SEC16B: variants seen among roughly 807,000 people sequenced by gnomAD.
SEC16B encodes SEC16 homolog B, endoplasmic reticulum export factor, also known as protein transport protein Sec16B.
In SEC16B, 115 loss-of-function variants were observed where a neutral mutation model predicts 141.8. The observed-to-expected ratio is 0.81, with a 90% CI of 0.70 to 0.95. The LOEUF (loss-of-function observed/expected upper bound fraction) is 0.95, where lower values mean the gene tolerates loss of function less well. Among genes scored for constraint, SEC16B ranks in the 40% least tolerant of loss-of-function variants. The pLI, the probability that SEC16B is intolerant of heterozygous loss-of-function variation, is 0.00. For missense variants in SEC16B, 1,291 were observed against 1,312.3 expected (o/e 0.98, Z 0.25); for synonymous variants, 493 against 492.5 (o/e 1.00, Z -0.01).
chr1:177,944,222 G>A (rs1477921236), intron 15 of SEC16B, among the ~76,000 whole-genome samples: 1 of 152,204 alleles, frequency 6.6e-6, no homozygotes. Flanking sequence ...AGCTGCGGAG[G>A]CTCAGAAGAA....
intron 24 of SEC16B, among the ~76,000 whole-genome samples, chr1:177,930,957 C>G (rs552617621): frequency 1.3e-5 from 2 of 152,224 alleles, no homozygotes; most frequent in East Asian, 3.9e-4. Context: ...CAAAAGGGGA[C>G]ACTTATACAC....
rs900114019 is a variant in SEC16B, at chr1:177,960,737, G to T, written c.936+54C>A. ...CAGGAAAGCAAGGTAAGCATGTTAG[G>T]AGTAGTTGGGTAAGCAGTGTGCCAG... On this transcript the variant is annotated intron_variant, in intron 7 of 25. Coordinates refer to ENST00000308284, the MANE Select transcript of SEC16B (RefSeq NM_033127.4). 5 of 1,528,562 alleles carry T rather than the reference G, an allele frequency of 3.3e-6. No homozygotes were observed. In the African/African-American group the frequency reaches 5.5e-5, roughly 17 times the overall value. 94.7% of individuals were successfully genotyped at this position (1,528,562 alleles called of 1,614,324 possible).
chr1:177,969,330 G>A (rs937593873), intron 1 of SEC16B, among the ~76,000 whole-genome samples: 3 of 152,118 alleles, frequency 2.0e-5, no homozygotes, highest in South Asian at 2.1e-4. Context: ...AACAAGGTGC[G>A]GAGGGGGCCT....
At position 177,937,353 on chromosome 1, in the gene SEC16B, A is replaced by G. The variant is rs1557968910; in HGVS notation, c.2364T>C (p.Gly788=). The change falls in exon 19 of 26, where the codon GGT becomes GGC. Residue 788 remains glycine (G), a synonymous_variant. Transcript: ENST00000308284. ...GCCTCGGTGTCCCTGTCTGCCCTGC[A>G]CCCCCTCCTGCTGGGTAGGAGCCCG... ...LQPGSYPAGG[G]AGQTGTPRPF... The G allele has an allele frequency of 6.2e-7, 1 of 1,613,022 alleles. No individual in the cohort carries two copies. The highest frequency in any genetic ancestry group is 1.1e-5 in the South Asian group (1 of 90,864).
intron 1 of SEC16B, 40 bp from the exon 2 acceptor site, chr1:177,968,079 C>T (rs1367438893): frequency 8.1e-7 from 1 of 1,229,176 alleles, no homozygotes; most frequent in Non-Finnish European, 1.1e-6. Flanking sequence ...TCACTTGAAG[C>T]CTATATCCAA....
At chr1:177,979,253 A>C (rs1654303620) in intron 1 of SEC16B, among the ~76,000 whole-genome samples, 1 of 152,232 alleles carries the variant, frequency 6.6e-6, no homozygotes, top group South Asian at 2.1e-4. Context: ...GGTTCATTCA[A>C]CCTGATGATA....
At position 177,937,286 on chromosome 1, in the gene SEC16B, T is replaced by A; in HGVS notation, c.2431A>T (p.Ser811Cys). 1 of 1,613,920 alleles carries A rather than the reference T, an allele frequency of 6.2e-7. No individual in the cohort carries two copies. Among genetic ancestry groups the A allele is most frequent in the Middle Eastern group, 1.7e-4 (1 of 6,050 alleles). ...GTGGCCTCTGTCACTGCCACGCTGC[T>A]GCCAGTCCCTGGTAGATGGGTCTCA... ...VPETHLPGTG[S>C]SVAVTEATGG... is the part of the protein sequence containing the mutation. Residue 811 changes from serine (S) to cysteine (C), a missense_variant, in exon 19 of 26, where the codon AGC becomes TGC. Coordinates refer to ENST00000308284, the MANE Select transcript of SEC16B (RefSeq NM_033127.4).
Position 177,957,440 on chromosome 1 carries a change from C to G in SEC16B, c.1365+692G>C, listed in dbSNP as rs60590388. 1.1e-3 allele frequency among the ~76,000 whole-genome samples: 170 copies of G among 151,930 alleles called. 2 individuals are homozygous for G. The East Asian group carries it at 0.031, about 27-fold the overall frequency. The stretch of plus-strand genomic sequence containing the variant: ...ACAACTGTATATGCAATTTTATTTT[C>G]TTTTTAATATATATGCATGGGAAAA... On this transcript the variant is annotated intron_variant, in intron 10 of 25. Coordinates refer to ENST00000308284, the MANE Select transcript of SEC16B (RefSeq NM_033127.4).
intron 10 of SEC16B, among the ~76,000 whole-genome samples, chr1:177,957,775 C>T (rs1161155798): frequency 2.0e-5 from 3 of 150,828 alleles, no homozygotes; most frequent in African/African-American, 7.3e-5. Context: ...CTTTTTTTTG[C>T]ACCCATTAAC....
intron 14 of SEC16B, 102 bp from the exon 15 acceptor site, chr1:177,944,768 G>A (rs1651551988): frequency 1.1e-6 from 1 of 940,726 alleles, no homozygotes; most frequent in Non-Finnish European, 1.7e-6. Context: ...TCATGGGGGA[G>A]TTTCCATCCT....
intron 10 of SEC16B, among the ~76,000 whole-genome samples, chr1:177,954,640 G>A (rs964380521): frequency 1.7e-4 from 26 of 152,162 alleles, no homozygotes; most frequent in Admixed American, 6.5e-5. Context: ...TTGCCAGTTA[G>A]CCTCATCTCT....
chr1:177,977,986 G>T (rs1489582872), intron 1 of SEC16B, among the ~76,000 whole-genome samples: 1 of 152,118 alleles, frequency 6.6e-6, no homozygotes, highest in East Asian at 1.9e-4. Flanking sequence ...TTACAGGAGT[G>T]GGTTTTCAAT....
At chr1:177,962,694 T>C (rs116116624) in intron 5 of SEC16B, among the ~76,000 whole-genome samples, 3 of 151,744 alleles carry the variant, frequency 2.0e-5, no homozygotes, top group Non-Finnish European at 4.4e-5. Context: ...TGCAGTGAGC[T>C]ATGATCATGC....
Position 177,930,650 on chromosome 1 carries a change from T to C in SEC16B, c.3013-7A>G. On this transcript the variant is annotated splice_polypyrimidine_tract_variant and splice_region_variant and intron_variant, in intron 24 of 25. Coordinates refer to ENST00000308284, the MANE Select transcript of SEC16B (RefSeq NM_033127.4). Reference sequence around the variant, plus strand: ...AGAGCTCAAAGGAAACACTCTGTGATGGAAAAGCATGGAAAATCCCATCAG... The same window carrying C: ...AGAGCTCAAAGGAAACACTCTGTGACGGAAAAGCATGGAAAATCCCATCAG... 1 of 1,603,796 alleles carries C rather than the reference T, an allele frequency of 6.2e-7. No homozygotes were observed. The highest frequency in any genetic ancestry group is 1.3e-5 in the African/African-American group (1 of 74,832).
At chr1:177,957,784 ACCCACCCACCCT>A (rs1238309935) in intron 10 of SEC16B, among the ~76,000 whole-genome samples, 1 of 137,134 alleles carries the variant, frequency 7.3e-6, no homozygotes, top group African/African-American at 2.7e-5. Context: ...GCACCCATTA[ACCCACCCACCCT>A]CCCTCCCACC....
At position 177,940,607 on chromosome 1, in the gene SEC16B, C is replaced by T; in HGVS notation, c.2127+3G>A. 3 of 1,611,378 alleles carry T rather than the reference C, an allele frequency of 1.9e-6. No individual in the cohort carries two copies. Among genetic ancestry groups the T allele is most frequent in the South Asian group, 1.1e-5 (1 of 90,970 alleles). ...CCAACGCCCTGGCTCCAATCCCACT[C>T]ACCTCCAGCTGCCTCCGAAGTTGCG... On this transcript the variant is annotated splice_donor_region_variant and intron_variant, in intron 17 of 25. Coordinates refer to ENST00000308284, the MANE Select transcript of SEC16B (RefSeq NM_033127.4).
At chr1:177,979,517 T>C (rs1018774686) in intron 1 of SEC16B, among the ~76,000 whole-genome samples, 4 of 152,244 alleles carry the variant, frequency 2.6e-5, no homozygotes, top group Admixed American at 6.5e-5. Flanking sequence ...AGTGCTGTTC[T>C]AATGCTAAAT....
intron 16 of SEC16B, 126 bp from the exon 17 acceptor site, chr1:177,940,840 C>T (rs1651221390): frequency 3.5e-6 from 2 of 566,400 alleles, no homozygotes; most frequent in Non-Finnish European, 6.1e-6. Flanking sequence ...CCTTAACTAA[C>T]TTGTAAATTA....
chr1:177,934,135 CTT>C lies in SEC16B; in HGVS notation c.2572-501_2572-500del, dbSNP rs78021773. 5.4e-3 allele frequency among the ~76,000 whole-genome samples: 822 copies of C among 150,868 alleles called. 7 individuals are homozygous for C. Among genetic ancestry groups the C allele is most frequent in the African/African-American group, 0.018 (749 of 41,138 alleles). ...ATACACCCACATCCCTTTACATTAACTTTTTTTTTTTTTGTGGTAAGATAGAT... is the reference window on the plus strand; with the variant it reads ...ATACACCCACATCCCTTTACATTAACTTTTTTTTTTTGTGGTAAGATAGAT... On this transcript the variant is annotated intron_variant, in intron 20 of 25. Coordinates refer to ENST00000308284, the MANE Select transcript of SEC16B (RefSeq NM_033127.4).
Sources: allele counts gnomAD v4.1 joint callset (sites outside exome capture counted in the v4.1 genomes callset), GRCh38; gene constraint gnomAD v4.1.1; transcripts MANE v1.5; gene names NCBI Gene and HGNC (gene_info 2026-07-23, HGNC 2026-07-21).